The following RB1 variants were observed in gnomAD, a reference collection of about 807,000 sequenced individuals.
RB1 encodes RB transcriptional corepressor 1.
In RB1, 18 loss-of-function variants were observed where a neutral mutation model predicts 135.4. The ratio of observed to expected loss-of-function variants is 0.13; its 90% CI spans 0.09 to 0.20. The LOEUF (loss-of-function observed/expected upper bound fraction) is 0.20, where lower values mean the gene tolerates loss of function less well. Ranked by LOEUF, RB1 falls within the 10% of genes least tolerant of loss-of-function variation. RB1 has a pLI of 1.00. For synonymous variants in RB1, 365 were observed against 373.2 expected (o/e 0.98, Z 0.25); for missense variants, 868 against 1,110.0 (o/e 0.78, Z 3.10).
intron 17 of RB1, among the ~76,000 whole-genome samples, chr13:48,442,490 G>A (rs1030338678): frequency 2.0e-5 from 3 of 152,128 alleles, no homozygotes; most frequent in African/African-American, 4.8e-5. Context: ...GTTAGAACAG[G>A]ATTTTTTTCT....
intron 2 of RB1, chr13:48,318,543 C>T: frequency 3.9e-6 from 3 of 772,196 alleles, no homozygotes; most frequent in African/African-American, 1.8e-5. Context: ...GCCCTCCCCT[C>T]CCGGGACCTC....
chr13:48,440,006 A>G (rs1303522361), intron 17 of RB1, among the ~76,000 whole-genome samples: 3 of 152,160 alleles, frequency 2.0e-5, no homozygotes, highest in Non-Finnish European at 2.9e-5. Flanking sequence ...TTATATGTAT[A>G]TGAGAGAAGT....
At chr13:48,373,885 T>A (rs1952791015) in intron 12 of RB1, among the ~76,000 whole-genome samples, 1 of 152,136 alleles carries the variant, frequency 6.6e-6, no homozygotes, top group Non-Finnish European at 1.5e-5. Context: ...TTTTGTGAGA[T>A]AGCTTTGCTC....
intron 2 of RB1, among the ~76,000 whole-genome samples, chr13:48,336,504 T>C (rs1225480654): frequency 1.1e-4 from 16 of 152,142 alleles, no homozygotes; most frequent in Non-Finnish European, 7.4e-5. Context: ...TGATGGTAGT[T>C]TGTATTTCTG....
At chr13:48,376,368 C>A (rs994806320) in intron 12 of RB1, among the ~76,000 whole-genome samples, 20 of 151,904 alleles carry the variant, frequency 1.3e-4, no homozygotes, top group African/African-American at 4.6e-4. Context: ...AGGCGTGGTG[C>A]GCTTGCCTAT....
At chr13:48,430,497 T>C (rs1403096630) in intron 17 of RB1, among the ~76,000 whole-genome samples, 3 of 151,864 alleles carry the variant, frequency 2.0e-5, no homozygotes, top group Admixed American at 2.0e-4. Context: ...TCCCAGCACT[T>C]TGGGAGGCGA....
intron 23 of RB1, 54 bp downstream of exon 23, chr13:48,465,422 A>G (rs569423344): frequency 4.1e-6 from 6 of 1,474,998 alleles, no homozygotes; most frequent in Non-Finnish European, 5.7e-6. Flanking sequence ...GATTATTTTG[A>G]TCCAAGAATA....
At chr13:48,350,540 G>A (rs766101400) in intron 6 of RB1, among the ~76,000 whole-genome samples, 27 of 152,094 alleles carry the variant, frequency 1.8e-4, no homozygotes, top group Non-Finnish European at 5.9e-5. Flanking sequence ...GAAGTTTATA[G>A]CTGTAAGTGC....
Position 48,373,478 on chromosome 13 carries a change from A to G in RB1, c.1201A>G (p.Ile401Val). 1 of 1,574,412 alleles carries G rather than the reference A, an allele frequency of 6.4e-7. No homozygotes were observed. Among genetic ancestry groups the G allele is most frequent in the Non-Finnish European group, 8.7e-7 (1 of 1,144,260 alleles). Residue 401 changes from isoleucine to valine, a missense_variant, in exon 12 of 27, where the codon ATT (isoleucine) becomes GTT (valine). This residue lies in a region of RB1 where 641 missense variants were observed against 791.3 expected (regional missense o/e 0.81). Coordinates refer to ENST00000267163, the MANE Select transcript of RB1 (RefSeq NM_000321.3). ...AAGTGATCAACCTTCAGAAAATCTGATTTCCTATTTTAACGTAAGCCATAT... is the reference window on the plus strand; with the variant it reads ...AAGTGATCAACCTTCAGAAAATCTGGTTTCCTATTTTAACGTAAGCCATAT... ...SASDQPSENL[I>V]SYFNNCTVNP...
intron 17 of RB1, among the ~76,000 whole-genome samples, chr13:48,436,938 T>C (rs543547185): frequency 6.6e-6 from 1 of 152,340 alleles, no homozygotes; most frequent in African/African-American, 2.4e-5. Context: ...TTGTTAATTT[T>C]TCTACTAGCA....
At chr13:48,411,503 CCAGTT>C in intron 17 of RB1, 1 of 1,612,596 alleles carries the variant, frequency 6.2e-7, no homozygotes, top group Non-Finnish European at 8.5e-7. Context: ...TCCTGACAGA[CCAGTT>C]TTTCATTTTT....
chr13:48,341,317 T>G (rs566835514), intron 2 of RB1: 1 of 152,122 alleles, frequency 6.6e-6, no homozygotes, highest in South Asian at 2.1e-4. Context: ...TATTTTTCCA[T>G]GCACTTCTTT....
At chr13:48,380,005 G>T (rs1223915408) in intron 14 of RB1, 48 bp from the exon 15 acceptor site, 2 of 1,077,648 alleles carry the variant, frequency 1.9e-6, no homozygotes, top group Non-Finnish European at 1.3e-6. Context: ...CACAAATAAG[G>T]TTTCAATTAA....
intron 16 of RB1, 117 bp downstream of exon 16, chr13:48,380,358 A>C: frequency 1.3e-6 from 1 of 786,388 alleles, no homozygotes; most frequent in Non-Finnish European, 2.1e-6. Flanking sequence ...TGCTTATTTT[A>C]GATCACTATA....
At chr13:48,379,133 A>G (rs939541964) in intron 13 of RB1, among the ~76,000 whole-genome samples, 2 of 152,192 alleles carry the variant, frequency 1.3e-5, no homozygotes, top group African/African-American at 4.8e-5. Flanking sequence ...GTCATGAGAA[A>G]TGTTATATAA....
chr13:48,451,514 G>T (rs549114530), intron 17 of RB1, among the ~76,000 whole-genome samples: 43 of 152,150 alleles, frequency 2.8e-4, no homozygotes, highest in South Asian at 2.1e-3. Flanking sequence ...TGCTGGATTT[G>T]GTTTGCCAGT....
Position 48,394,733 on chromosome 13 carries a change from G to T in RB1, c.1695+13290G>T, listed in dbSNP as rs187710715. Reference sequence around the variant, plus strand: ...TGGGCAGGGCATCTCTGAAAGAAAGGCAGCAGCCCCAGTCAGGGGCCTATA... The same window carrying T: ...TGGGCAGGGCATCTCTGAAAGAAAGTCAGCAGCCCCAGTCAGGGGCCTATA... On this transcript the variant is annotated intron_variant, in intron 17 of 26. Coordinates refer to ENST00000267163, the MANE Select transcript of RB1 (RefSeq NM_000321.3). Among the ~76,000 whole-genome samples the T allele has an allele frequency of 4.6e-4, 70 of 152,308 alleles. 1 individual carries two copies. The East Asian group carries it at 0.01, about 22-fold the overall frequency.
At chr13:48,346,776 T>C (rs1952502625) in intron 4 of RB1, among the ~76,000 whole-genome samples, 2 of 152,064 alleles carry the variant, frequency 1.3e-5, no homozygotes, top group African/African-American at 4.8e-5. Flanking sequence ...CACTAACGCA[T>C]AGAATGAAAT....
intron 17 of RB1, among the ~76,000 whole-genome samples, chr13:48,383,923 A>G (rs956654050): frequency 9.9e-5 from 15 of 152,132 alleles, no homozygotes; most frequent in African/African-American, 3.4e-4. Context: ...TTTTATTTCT[A>G]TCAACACATA....
Sources: allele counts gnomAD v4.1 joint callset (sites outside exome capture counted in the v4.1 genomes callset), GRCh38; gene constraint gnomAD v4.1.1; regional missense constraint gnomAD v4.1.1; transcripts MANE v1.5; gene names NCBI Gene and HGNC (gene_info 2026-07-23, HGNC 2026-07-21).